Variants in SEC23B observed in about 807,000 individuals in gnomAD.
The protein encoded by SEC23B is SEC23 homolog B, COPII component.
Under a neutral mutation model 104.3 loss-of-function variants are expected in SEC23B, and 77 were observed. That is an observed-to-expected ratio of 0.74 (90% confidence interval 0.61 to 0.89). The LOEUF is 0.89. Among genes scored for constraint, SEC23B ranks in the 40% least tolerant of loss-of-function variants. The pLI is 0.00. For synonymous variants in SEC23B, 338 were observed against 332.5 expected, an observed-to-expected ratio of 1.02 and a Z score of -0.18; for missense variants, 885 against 949.4, an observed-to-expected ratio of 0.93 and a Z score of 0.89.
rs748164368 is a variant in SEC23B at position 18,525,910 on chromosome 20, C to T, written c.812C>T (p.Ser271Phe). The part of the protein sequence containing the change: ...RPLRSTGVAL[S>F]IAVGLLEGTF... ...TTGCGATCCACTGGTGTGGCTTTGT[C>T]CATTGCTGTTGGCTTGCTGGAGGTA... Residue 271 changes from serine (S) to phenylalanine (F), a missense_variant, in exon 7 of 20, where the codon TCC (serine) becomes TTC (phenylalanine). Ser to Phe is a radical substitution (Grantham distance 155). Transcript: ENST00000650089. The T allele has an allele frequency of 1.9e-6, 3 of 1,614,086 alleles. No individual in the cohort carries two copies. Among genetic ancestry groups the T allele is most frequent in the African/African-American group, 1.3e-5 (1 of 74,926 alleles).
intron 10 of SEC23B, among the ~76,000 whole-genome samples, chr20:18,531,846 TACAG>T (rs1401029511): frequency 1.3e-5 from 2 of 151,716 alleles, no homozygotes; most frequent in African/African-American, 2.4e-5. Flanking sequence ...GCTTTGGAAT[TACAG>T]ACCAGCCTGG....
rs2060175296 is a variant in SEC23B, at chr20:18,530,582, T to G, written c.1110-98T>G. The stretch of plus-strand genomic sequence containing the variant: ...TCAGTGGCTCTTTTGGGGACCTGGT[T>G]TCTTTTTTTCTTTAAATTATTTTTG... On this transcript the variant is annotated intron_variant, in intron 9 of 19. Coordinates refer to ENST00000650089, the MANE Select transcript of SEC23B (RefSeq NM_006363.6). 4 of 1,399,674 alleles carry G rather than the reference T, an allele frequency of 2.9e-6. No individual in the cohort carries two copies. In the South Asian group the frequency reaches 5.2e-5, roughly 18 times the overall value. The allele number at this position is 1,399,674 out of a possible 1,614,324, so 86.7% of individuals were successfully genotyped here.
chr20:18,522,037 G>C (rs913016537), intron 4 of SEC23B, among the ~76,000 whole-genome samples: 1 of 152,194 alleles, frequency 6.6e-6, no homozygotes. Flanking sequence ...GGTCAGATGA[G>C]AGTTGAAGAG....
chr20:18,526,278 G>A lies in SEC23B; in HGVS notation c.835-95G>A. The A allele has an allele frequency of 5.1e-6, 7 of 1,376,334 alleles. No homozygotes were observed. In the South Asian group the frequency reaches 7.1e-5, roughly 14 times the overall value. The allele number at this position is 1,376,334 out of a possible 1,614,324, so 85.3% of individuals were successfully genotyped here. A position where few individuals can be genotyped will look rare whatever the true frequency, so the allele number is the denominator to read the frequency against. Reference sequence around the variant, plus strand: ...ATCACCACTTTTTAGGACAGCTGGAGAGAATGCATCTTTGGAGTATTTCTA... The same window carrying A: ...ATCACCACTTTTTAGGACAGCTGGAAAGAATGCATCTTTGGAGTATTTCTA... On this transcript the variant is annotated intron_variant, in intron 7 of 19. Coordinates refer to ENST00000650089, the MANE Select transcript of SEC23B (RefSeq NM_006363.6).
intron 16 of SEC23B, among the ~76,000 whole-genome samples, chr20:18,549,993 G>T (rs1600274878): frequency 6.9e-6 from 1 of 144,028 alleles, no homozygotes; most frequent in Non-Finnish European, 1.5e-5. Context: ...AAATAAAAAA[G>T]AAATAATTAC....
At chr20:18,536,510 G>T (rs1357503156) in intron 12 of SEC23B, among the ~76,000 whole-genome samples, 1 of 152,138 alleles carries the variant, frequency 6.6e-6, no homozygotes, top group Non-Finnish European at 1.5e-5. Context: ...GGCTAATATG[G>T]TGAAACCCTG....
At chr20:18,537,236 C>T (rs1600256814) in intron 12 of SEC23B, among the ~76,000 whole-genome samples, 1 of 151,592 alleles carries the variant, frequency 6.6e-6, no homozygotes, top group Non-Finnish European at 1.5e-5. Context: ...CATCCCATTA[C>T]TGGGTATATA....
chr20:18,541,276 GACTACTAAA>G (rs1330240687), intron 12 of SEC23B, among the ~76,000 whole-genome samples: 2 of 152,208 alleles, frequency 1.3e-5, no homozygotes, highest in Non-Finnish European at 2.9e-5. Context: ...TTTCTATTCA[GACTACTAAA>G]ACATTCTCCA....
At chr20:18,525,156 A>G (rs914340935) in intron 6 of SEC23B, 136 bp downstream of exon 6, 4 of 903,462 alleles carry the variant, frequency 4.4e-6, no homozygotes, top group Non-Finnish European at 7.0e-6. Context: ...CCTAATCAAT[A>G]TTCAGTGTTT....
chr20:18,514,831 C>T (rs1288476782), intron 3 of SEC23B, among the ~76,000 whole-genome samples: 1 of 152,126 alleles, frequency 6.6e-6, no homozygotes, highest in African/African-American at 2.4e-5. Flanking sequence ...GCTTTTCCTC[C>T]TTTGTTTGCT....
At chr20:18,537,886 C>T (rs1446536010) in intron 12 of SEC23B, among the ~76,000 whole-genome samples, 1 of 151,990 alleles carries the variant, frequency 6.6e-6, no homozygotes, top group East Asian at 1.9e-4. Flanking sequence ...TGGCTGCTGA[C>T]TGATCAGGTT....
intron 12 of SEC23B, among the ~76,000 whole-genome samples, chr20:18,539,141 G>A (rs1315132933): frequency 6.6e-6 from 1 of 150,744 alleles, no homozygotes; most frequent in African/African-American, 2.4e-5. Flanking sequence ...TAAACCAAGT[G>A]ATGGAGGTTG....
At chr20:18,518,419 T>C (rs1282512826) in intron 4 of SEC23B, among the ~76,000 whole-genome samples, 2 of 152,012 alleles carry the variant, frequency 1.3e-5, no homozygotes, top group African/African-American at 4.8e-5. Flanking sequence ...TGAGGAGTAG[T>C]AGAATAGCAG....
intron 18 of SEC23B, among the ~76,000 whole-genome samples, chr20:18,554,892 T>C (rs1371656861): frequency 6.6e-6 from 1 of 151,416 alleles, no homozygotes; most frequent in Non-Finnish European, 1.5e-5. Context: ...ATAAAATACA[T>C]ATTTTATGTT....
At chr20:18,509,998 C>T (rs2059967393) in intron 1 of SEC23B, 1 of 152,110 alleles carries the variant, frequency 6.6e-6, no homozygotes, top group African/African-American at 2.4e-5. Context: ...TAATTTAGCT[C>T]AAAACTGGTT....
intron 14 of SEC23B, among the ~76,000 whole-genome samples, chr20:18,543,377 A>G (rs1055853656): frequency 4.6e-5 from 7 of 152,188 alleles, no homozygotes; most frequent in Admixed American, 4.6e-4. Flanking sequence ...GGAAGAAACA[A>G]CACGCATGGA....
chr20:18,543,163 C>T lies in SEC23B; in HGVS notation c.1656C>T (p.Leu552=), dbSNP rs1405896618. Residue 552 remains leucine, a synonymous_variant, in exon 14 of 20, where the codon CTC becomes CTT. Coordinates refer to ENST00000650089, the MANE Select transcript of SEC23B (RefSeq NM_006363.6). ...PDVLRWLDRQ[L]IRLCQKFGQY... ...TGCTCCGGTGGCTGGACCGACAACTCATCCGACTGGTAAATTGGGGACAGT... is the reference window on the plus strand; with the variant it reads ...TGCTCCGGTGGCTGGACCGACAACTTATCCGACTGGTAAATTGGGGACAGT... The T allele has an allele frequency of 1.9e-6, 3 of 1,614,178 alleles. No individual in the cohort carries two copies. Among genetic ancestry groups the T allele is most frequent in the African/African-American group, 1.3e-5 (1 of 75,032 alleles).
chr20:18,552,932 T>G (rs566222709), intron 17 of SEC23B, among the ~76,000 whole-genome samples: 2 of 152,238 alleles, frequency 1.3e-5, no homozygotes, highest in Non-Finnish European at 2.9e-5. Flanking sequence ...ATCGGTTATA[T>G]GAAATACTAT....
In SEC23B at chr20:18,510,992, C is replaced by T. The variant is rs771385487; in HGVS notation, c.157C>T (p.Pro53Ser). 3.1e-6 allele frequency: 5 copies of T among 1,614,168 alleles called. No individual in the cohort carries two copies. The highest frequency in any genetic ancestry group is 4.2e-6 in the Non-Finnish European group (5 of 1,180,020). ...TPLKERPDLP[P>S]VQYEPVLCSR... ...TTTGAAAGAACGTCCAGACCTACCT[C>T]CTGTACAATATGAACCTGTGCTTTG... Residue 53 changes from proline to serine, a missense_variant, in exon 2 of 20, where the codon CCT becomes TCT. By Grantham distance (74) the Pro-to-Ser change is moderately conservative (BLOSUM62 -1). Transcript: ENST00000650089.
Sources: gnomAD v4.1 joint callset for allele counts (sites outside exome capture counted in the v4.1 genomes callset) on GRCh38, gnomAD v4.1.1 for gene constraint, MANE v1.5 for transcripts, NCBI Gene and HGNC (gene_info 2026-07-23, HGNC 2026-07-21) for gene names.